Variants in TNFRSF1A observed in about 807,000 individuals in gnomAD.
The protein encoded by TNFRSF1A is TNF receptor superfamily member 1A.
TNFRSF1A carries 9 observed loss-of-function variants against 41.6 expected under a neutral mutation model. The ratio of observed to expected loss-of-function variants is 0.22; its 90% CI spans 0.13 to 0.38. The LOEUF is 0.38. Ranked by LOEUF, TNFRSF1A falls within the 10% of genes least tolerant of loss-of-function variation. The pLI is 1.00. For missense variants in TNFRSF1A, 463 were observed against 591.5 expected (o/e 0.78, Z 2.25); for synonymous variants, 254 against 248.6 (o/e 1.02, Z -0.21).
In TNFRSF1A at chr12:6,329,300, A is replaced by C. The variant is rs1947993760; in HGVS notation, c.*12T>G. The C allele has an allele frequency of 6.9e-7, 1 of 1,456,258 alleles. No homozygotes were observed. The highest frequency in any genetic ancestry group is 9.0e-7 in the Non-Finnish European group (1 of 1,112,356). 90.2% of individuals were successfully genotyped at this position (1,456,258 alleles called of 1,614,324 possible). ...CAGGACGGTCCTTAGAGCTGCCCGC[A>C]GGGGCGCAGCCTCATCTGAGAAGAC... On this transcript the variant is annotated 3_prime_UTR_variant, in exon 10 of 10. Coordinates refer to ENST00000162749, the MANE Select transcript of TNFRSF1A (RefSeq NM_001065.4).
chr12:6,341,679 C>A lies in TNFRSF1A; in HGVS notation c.39+97G>T. ...CTGAGGCTGGCGCCAGGACCAGGCC[C>A]GGGCAGGAGAGGCTCGGCCCCCTCC... is the stretch of plus-strand genomic sequence containing the variant. On this transcript the variant is annotated intron_variant, in intron 1 of 9. Coordinates refer to ENST00000162749, the MANE Select transcript of TNFRSF1A (RefSeq NM_001065.4). This position sits in a 1 kb window ranked among gnomAD's most constrained non-coding sequence, Gnocchi z 4.6. 2 of 1,442,974 alleles carry A rather than the reference C, an allele frequency of 1.4e-6. No homozygotes were observed. Among genetic ancestry groups the A allele is most frequent in the African/African-American group, 2.8e-5 (2 of 71,664 alleles). 89.4% of individuals were successfully genotyped at this position (1,442,974 alleles called of 1,614,324 possible). A position where few individuals can be genotyped will look rare whatever the true frequency, so the allele number is the denominator to read the frequency against.
rs1948141836 is a variant in TNFRSF1A, at chr12:6,337,980, GGA to G, written c.40-3738_40-3737del. Among the ~76,000 whole-genome samples, 1 of 152,048 alleles carries G rather than the reference GGA, an allele frequency of 6.6e-6. No individual in the cohort carries two copies. Among genetic ancestry groups the G allele is most frequent in the African/African-American group, 2.4e-5 (1 of 41,382 alleles). ...TGGTAGGAATATATTTATCTCCGGGGGAGAGTTTTCAGACCATCCCCCCACCT... is the reference window on the plus strand; with the variant it reads ...TGGTAGGAATATATTTATCTCCGGGGGAGTTTTCAGACCATCCCCCCACCT... On this transcript the variant is annotated intron_variant, in intron 1 of 9. Coordinates refer to ENST00000162749, the MANE Select transcript of TNFRSF1A (RefSeq NM_001065.4). The surrounding 1 kb of genome is among the most constrained non-coding windows in gnomAD (Gnocchi z 4.6).
rs200727600 is a variant in TNFRSF1A at position 6,341,796 on chromosome 12, G to C, written c.19C>G (p.Pro7Ala). Residue 7 changes from proline (P) to alanine (A), a missense_variant, in exon 1 of 10, where the codon CCT becomes GCT. This residue lies in a region of TNFRSF1A where 37 missense variants were observed against 46.5 expected (regional missense o/e 0.80). Transcript: ENST00000162749. The surrounding 1 kb of genome is among the most constrained non-coding windows in gnomAD (Gnocchi z 4.6). MGLSTV[P>A]DLLLPLVLLE... ...CTCACCAGTGGCAGCAGCAGGTCAG[G>C]CACGGTGGAGAGGCCCATGCCAGAC... 3.1e-6 allele frequency: 5 copies of C among 1,614,114 alleles called. No homozygotes were observed. Among genetic ancestry groups the C allele is most frequent in the Non-Finnish European group, 4.2e-6 (5 of 1,179,994 alleles).
chr12:6,339,254 C>T (rs1309174000), intron 1 of TNFRSF1A, among the ~76,000 whole-genome samples: 1 of 152,218 alleles, frequency 6.6e-6, no homozygotes. Context: ...CAGGCAGTGA[C>T]TTCAGATGTC....
At chr12:6,340,535 G>T (rs760963405) in intron 1 of TNFRSF1A, among the ~76,000 whole-genome samples, 5 of 152,170 alleles carry the variant, frequency 3.3e-5, no homozygotes, top group Non-Finnish European at 7.3e-5. Flanking sequence ...GGAGGCAGAA[G>T]AAGAAGAGTG....
Position 6,341,500 on chromosome 12 carries a change from C to T in TNFRSF1A, c.39+276G>A, listed in dbSNP as rs532415579. On this transcript the variant is annotated intron_variant, in intron 1 of 9. Coordinates refer to ENST00000162749, the MANE Select transcript of TNFRSF1A (RefSeq NM_001065.4). The surrounding 1 kb of genome is among the most constrained non-coding windows in gnomAD (Gnocchi z 4.6). ...TCCTGCCCACATTCCCTTGGCCGCC[C>T]ACAAACTTCCACCGCTGTCAGGGGC... Among the ~76,000 whole-genome samples the T allele has an allele frequency of 1.2e-4, 19 of 152,372 alleles. No individual in the cohort carries two copies. The East Asian group carries it at 3.3e-3, about 26-fold the overall frequency.
At position 6,330,860 on chromosome 12, in the gene TNFRSF1A, C is replaced by A. The variant is rs751413473; in HGVS notation, c.618G>T (p.Glu206Asp). ...CAGGTCACTTCTCCTCACCTGAGTCCTCAGTGCCCTTAACATTCTCAATCT... is the reference window on the plus strand; with the variant it reads ...CAGGTCACTTCTCCTCACCTGAGTCATCAGTGCCCTTAACATTCTCAATCT... The part of the protein sequence containing the change: ...LPQIENVKGT[E>D]DSGTTVLLPL... The change falls in exon 6 of 10, where the codon GAG becomes GAT. Residue 206 changes from glutamate (E) to aspartate (D), a missense_variant. By Grantham distance (45) the Glu-to-Asp change is conservative. This residue lies in a region of TNFRSF1A where 149 missense variants were observed against 239.4 expected (regional missense o/e 0.62). Transcript: ENST00000162749. The A allele has an allele frequency of 1.9e-6, 3 of 1,613,680 alleles. No individual in the cohort carries two copies.
At chr12:6,330,739 G>A in intron 6 of TNFRSF1A, 28 bp from the exon 7 acceptor site, 4 of 1,599,732 alleles carry the variant, frequency 2.5e-6, no homozygotes, top group Non-Finnish European at 3.4e-6. Context: ...GTTGGTCAGA[G>A]GAGCGGGCAG....
chr12:6,331,437 C>T (rs907966105), intron 5 of TNFRSF1A: 2 of 219,444 alleles, frequency 9.1e-6, no homozygotes, highest in Non-Finnish European at 9.4e-6. Context: ...AGTTACAGTA[C>T]CTGACTTCGG....
chr12:6,341,213 T>A lies in TNFRSF1A; in HGVS notation c.39+563A>T, dbSNP rs1948190574. On this transcript the variant is annotated intron_variant, in intron 1 of 9. Transcript: ENST00000162749. This position sits in a 1 kb window ranked among gnomAD's most constrained non-coding sequence, Gnocchi z 4.6. ...GCCCATTCTCAAATACCTCCCACCA[T>A]GAGCATCCCAAACCCACCACACCAG... Among the ~76,000 whole-genome samples the A allele has an allele frequency of 1.3e-5, 2 of 151,990 alleles. No homozygotes were observed. The highest frequency in any genetic ancestry group is 2.9e-5 in the Non-Finnish European group (2 of 67,960).
rs1948141768 is a variant in TNFRSF1A, at chr12:6,337,980, G to A, written c.40-3736C>T. Among the ~76,000 whole-genome samples, 1 of 152,048 alleles carries A rather than the reference G, an allele frequency of 6.6e-6. No individual in the cohort carries two copies. Among genetic ancestry groups the A allele is most frequent in the Non-Finnish European group, 1.5e-5 (1 of 67,994 alleles). On this transcript the variant is annotated intron_variant, in intron 1 of 9. Transcript: ENST00000162749. This position sits in a 1 kb window ranked among gnomAD's most constrained non-coding sequence, Gnocchi z 4.6. ...TGGTAGGAATATATTTATCTCCGGG[G>A]GAGAGTTTTCAGACCATCCCCCCAC...
chr12:6,338,729 A>C (rs1373803693), intron 1 of TNFRSF1A, among the ~76,000 whole-genome samples: 1 of 152,110 alleles, frequency 6.6e-6, no homozygotes, highest in African/African-American at 2.4e-5. Flanking sequence ...CCTGGGCCCA[A>C]GCCGTCCTCC....
intron 1 of TNFRSF1A, among the ~76,000 whole-genome samples, chr12:6,335,017 C>T (rs1183594301): frequency 6.6e-6 from 1 of 152,210 alleles, no homozygotes; most frequent in African/African-American, 2.4e-5. Flanking sequence ...CAATGAGGAT[C>T]TATGCACATC....
Position 6,333,557 on chromosome 12 carries a change from CT to C in TNFRSF1A, c.323-42del. On this transcript the variant is annotated intron_variant, in intron 3 of 9. Transcript: ENST00000162749. The surrounding 1 kb of genome is among the most constrained non-coding windows in gnomAD (Gnocchi z 6.3). ...GATGGGGTATGAGTCCTGCATCCTC[CT>C]GTCCCTGCATCCCCTTCCTGACATA... is the stretch of plus-strand genomic sequence containing the variant. 6.2e-7 allele frequency: 1 copy of C among 1,613,612 alleles called. No individual in the cohort carries two copies.
chr12:6,329,107 C>T lies in TNFRSF1A; in HGVS notation c.*205G>A, dbSNP rs2136811040. The T allele has an allele frequency of 6.5e-6, 3 of 462,608 alleles. No homozygotes were observed. Among genetic ancestry groups the T allele is most frequent in the Non-Finnish European group, 1.1e-5 (3 of 277,756 alleles). The allele number at this position is 462,608 out of a possible 1,614,324, so 28.7% of individuals were successfully genotyped here. On this transcript the variant is annotated 3_prime_UTR_variant, in exon 10 of 10. Coordinates refer to ENST00000162749, the MANE Select transcript of TNFRSF1A (RefSeq NM_001065.4). ...CCACCCACTCAGGCTCTTGAGCCCA[C>T]GGCGCACCTCTCTCCGCGCGCACAG...
chr12:6,339,820 C>T (rs1021756521), intron 1 of TNFRSF1A, among the ~76,000 whole-genome samples: 6 of 58,328 alleles, frequency 1.0e-4, no homozygotes, highest in African/African-American at 4.8e-4. Context: ...CCCCACTTCT[C>T]TCTCTCTCTC....
chr12:6,338,733 G>A (rs762990298), intron 1 of TNFRSF1A, among the ~76,000 whole-genome samples: 9 of 152,034 alleles, frequency 5.9e-5, no homozygotes, highest in Admixed American at 2.6e-4. Context: ...GGCCCAAGCC[G>A]TCCTCCCGAG....
chr12:6,330,648 A>G lies in TNFRSF1A; in HGVS notation c.689T>C (p.Ile230Thr). 1 of 1,613,944 alleles carries G rather than the reference A, an allele frequency of 6.2e-7. No homozygotes were observed. Among genetic ancestry groups the G allele is most frequent in the Non-Finnish European group, 8.5e-7 (1 of 1,179,858 alleles). Residue 230 changes from isoleucine (I) to threonine (T), a missense_variant, in exon 7 of 10, where the codon ATT becomes ACT. Physicochemically the swap from Ile to Thr is moderately conservative, Grantham distance 89. Transcript: ENST00000162749. ...CCGTTGGTAGCGATACATTAAACCA[A>G]TGAAGAGGAGGGATAAAAGGCAAAG... ...FGLCLLSLLF[I>T]GLMYRYQRWK...
chr12:6,339,453 C>T (rs569820758), intron 1 of TNFRSF1A, among the ~76,000 whole-genome samples: 2 of 152,116 alleles, frequency 1.3e-5, no homozygotes, highest in South Asian at 2.1e-4. Flanking sequence ...GAGTCAAAGA[C>T]AGTCAGTTGT....
Sources: allele counts gnomAD v4.1 joint callset (sites outside exome capture counted in the v4.1 genomes callset), GRCh38; gene constraint gnomAD v4.1.1; regional missense constraint gnomAD v4.1.1; non-coding constraint Gnocchi (gnomAD v3.1); transcripts MANE v1.5; gene names NCBI Gene and HGNC (gene_info 2026-07-23, HGNC 2026-07-21).